INPP4B: variants seen among roughly 807,000 people sequenced by gnomAD.
INPP4B encodes inositol polyphosphate 4-phosphatase type II.
A neutral mutation model predicts 122.5 loss-of-function variants in INPP4B; 55 were observed. The ratio of observed to expected loss-of-function variants is 0.45; its 90% confidence interval spans 0.36 to 0.56. The LOEUF (loss-of-function observed/expected upper bound fraction) is 0.56, where lower values mean the gene tolerates loss of function less well. Ranked by LOEUF, INPP4B falls within the 20% of genes least tolerant of loss-of-function variation. The pLI, the probability that INPP4B is intolerant of heterozygous loss-of-function variation, is 0.00. For missense variants in INPP4B, 1,000 were observed against 1,097.7 expected, an observed-to-expected ratio of 0.91 and a Z score of 1.26; for synonymous variants, 403 against 388.7, an observed-to-expected ratio of 1.04 and a Z score of -0.43.
chr4:142,767,475 T>C (rs902416897), intron 1 of INPP4B: 14 of 152,218 alleles, frequency 9.2e-5, no homozygotes, highest in Non-Finnish European at 2.1e-4. Context: ...AGCCAGATTA[T>C]CCGAGTTCAA....
chr4:142,346,121 T>C (rs1284445949), intron 7 of INPP4B, among the ~76,000 whole-genome samples: 1 of 152,010 alleles, frequency 6.6e-6, no homozygotes, highest in Non-Finnish European at 1.5e-5. Context: ...TACATCATTA[T>C]CATCCTCTTA....
At chr4:142,175,784 G>A (rs562041853) in intron 15 of INPP4B, among the ~76,000 whole-genome samples, 13 of 152,056 alleles carry the variant, frequency 8.5e-5, no homozygotes, top group Non-Finnish European at 1.2e-4. Context: ...AGTTTAATCC[G>A]TAACAGACTT....
intron 2 of INPP4B, among the ~76,000 whole-genome samples, chr4:142,610,195 A>C (rs1330620015): frequency 6.6e-6 from 1 of 152,060 alleles, no homozygotes; most frequent in Non-Finnish European, 1.5e-5. Flanking sequence ...CACGAGATCT[A>C]ATGGTTTTAT....
intron 17 of INPP4B, among the ~76,000 whole-genome samples, chr4:142,153,155 C>T (rs1815241135): frequency 6.6e-6 from 1 of 152,104 alleles, no homozygotes; most frequent in South Asian, 2.1e-4. Context: ...TTGACTAAAG[C>T]TTTTAACTTT....
chr4:142,645,849 G>C (rs142437713), intron 2 of INPP4B, among the ~76,000 whole-genome samples: 1 of 152,200 alleles, frequency 6.6e-6, no homozygotes, highest in African/African-American at 2.4e-5. Flanking sequence ...ATCTTGAGAA[G>C]TTAAGCAGCG....
chr4:142,620,920 T>G (rs1236413479), intron 2 of INPP4B, among the ~76,000 whole-genome samples: 1 of 151,958 alleles, frequency 6.6e-6, no homozygotes, highest in Non-Finnish European at 1.5e-5. Context: ...CTGATTGTGT[T>G]GGTGGTTATA....
chr4:142,798,706 T>A (rs1194242845), intron 1 of INPP4B, among the ~76,000 whole-genome samples: 1 of 151,874 alleles, frequency 6.6e-6, no homozygotes, highest in Non-Finnish European at 1.5e-5. Context: ...GATTGCATAA[T>A]GAGATAAACT....
At chr4:142,075,295 C>T (rs1769992954) in intron 25 of INPP4B, among the ~76,000 whole-genome samples, 1 of 151,924 alleles carries the variant, frequency 6.6e-6, no homozygotes. Context: ...ACATTAATTA[C>T]AGGATATCCT....
intron 2 of INPP4B, chr4:142,654,669 A>G: frequency 6.6e-6 from 1 of 152,208 alleles, no homozygotes; most frequent in African/African-American, 2.4e-5. Flanking sequence ...TTCCCTGAAT[A>G]GCTTCTTCCA....
chr4:142,171,959 A>C (rs1825830597), intron 16 of INPP4B, among the ~76,000 whole-genome samples: 1 of 151,888 alleles, frequency 6.6e-6, no homozygotes, highest in Non-Finnish European at 1.5e-5. Context: ...CTATTCGCTA[A>C]AATTTTCAGC....
At chr4:142,746,282 A>G (rs1162808460) in intron 1 of INPP4B, among the ~76,000 whole-genome samples, 1 of 152,130 alleles carries the variant, frequency 6.6e-6, no homozygotes, top group Non-Finnish European at 1.5e-5. Context: ...ATTGCTACAA[A>G]CAGAATAACA....
chr4:142,363,262 A>C (rs1786145616), intron 7 of INPP4B, among the ~76,000 whole-genome samples: 1 of 152,036 alleles, frequency 6.6e-6, no homozygotes, highest in Non-Finnish European at 1.5e-5. Context: ...TCATTTATAA[A>C]TATCAATTTT....
At chr4:142,518,952 G>A (rs553382746) in intron 2 of INPP4B, 1 of 152,292 alleles carries the variant, frequency 6.6e-6, no homozygotes, top group East Asian at 1.9e-4. Flanking sequence ...CAGAGTCTGT[G>A]TGAGATAATA....
chr4:142,647,401 C>T (rs1421948402), intron 2 of INPP4B, among the ~76,000 whole-genome samples: 4 of 152,192 alleles, frequency 2.6e-5, no homozygotes, highest in Middle Eastern at 6.8e-3. Context: ...CAACCCTTTC[C>T]TATTTTTATT....
intron 7 of INPP4B, among the ~76,000 whole-genome samples, chr4:142,363,179 AAC>A (rs570858051): frequency 8.1e-4 from 123 of 152,144 alleles, no homozygotes; most frequent in South Asian, 1.9e-3. Flanking sequence ...AGTCTGATTA[AAC>A]ACATACGCAC....
intron 1 of INPP4B, among the ~76,000 whole-genome samples, chr4:142,762,825 T>A (rs960660521): frequency 6.6e-6 from 1 of 152,144 alleles, no homozygotes; most frequent in Non-Finnish European, 1.5e-5. Context: ...ATTGCCAATG[T>A]GATAGCATTA....
At chr4:142,264,106 A>T (rs75648055) in intron 10 of INPP4B, among the ~76,000 whole-genome samples, 7,256 of 152,146 alleles carry the variant, frequency 0.048, 239 homozygotes, top group Middle Eastern at 0.078. Flanking sequence ...GAGAGGAAAG[A>T]CATGTCCTAA....
chr4:142,106,049 A>T (rs1382986541), intron 23 of INPP4B, among the ~76,000 whole-genome samples: 1 of 152,142 alleles, frequency 6.6e-6, no homozygotes, highest in Non-Finnish European at 1.5e-5. Context: ...TTTGTTATGG[A>T]GCACAACCAC....
intron 2 of INPP4B, among the ~76,000 whole-genome samples, chr4:142,591,039 G>C (rs964047695): frequency 2.0e-5 from 3 of 152,136 alleles, no homozygotes; most frequent in Non-Finnish European, 2.9e-5. Context: ...CTCAGGCCAG[G>C]CCTGGTGGCT....
Sources: allele counts gnomAD v4.1 joint callset (sites outside exome capture counted in the v4.1 genomes callset), GRCh38; gene constraint gnomAD v4.1.1; transcripts MANE v1.5; gene names NCBI Gene and HGNC (gene_info 2026-07-23, HGNC 2026-07-21).